Variants in ADAMTS12 observed in about 807,000 individuals in gnomAD.
ADAMTS12 encodes ADAM metallopeptidase with thrombospondin type 1 motif 12, also known as A disintegrin and metalloproteinase with thrombospondin motifs 12.
In ADAMTS12, 118 loss-of-function variants were observed where a neutral mutation model predicts 167.8. The ratio of observed to expected loss-of-function variants is 0.70; its 90% CI spans 0.61 to 0.82. ADAMTS12 has a LOEUF of 0.82. ADAMTS12 is among the 40% of genes least tolerant of loss of function. The pLI, the probability that ADAMTS12 is intolerant of heterozygous loss-of-function variation, is 0.00. For synonymous variants in ADAMTS12, 704 were observed against 716.9 expected (o/e 0.98, Z 0.29); for missense variants, 1,916 against 1,998.8 (o/e 0.96, Z 0.79).
intron 21 of ADAMTS12, 57 bp from the exon 22 acceptor site, chr5:33,546,259 TAAGTG>T: frequency 6.6e-7 from 1 of 1,526,594 alleles, no homozygotes; most frequent in Admixed American, 1.9e-5. Flanking sequence ...TGTTTAATGA[TAAGTG>T]AAGAACTTCG....
At chr5:33,805,240 A>G (rs1264860160) in intron 2 of ADAMTS12, among the ~76,000 whole-genome samples, 1 of 152,224 alleles carries the variant, frequency 6.6e-6, no homozygotes, top group African/African-American at 2.4e-5. Context: ...ACCTGGGTCA[A>G]CATCAACAAT....
intron 18 of ADAMTS12, among the ~76,000 whole-genome samples, chr5:33,586,595 A>G (rs1279051713): frequency 6.6e-6 from 1 of 152,240 alleles, no homozygotes; most frequent in Non-Finnish European, 1.5e-5. Flanking sequence ...AGAACTCCTC[A>G]GCCAAATCTG....
chr5:33,558,177 T>G (rs1400983690), intron 20 of ADAMTS12, among the ~76,000 whole-genome samples: 1 of 152,118 alleles, frequency 6.6e-6, no homozygotes, highest in African/African-American at 2.4e-5. Context: ...GAAAAAGAAT[T>G]TTGTAGAGAT....
At chr5:33,536,322 G>A (rs563347004) in intron 22 of ADAMTS12, among the ~76,000 whole-genome samples, 1 of 152,194 alleles carries the variant, frequency 6.6e-6, no homozygotes, top group South Asian at 2.1e-4. Context: ...TGGCACACTC[G>A]CTAAGTCAAC....
chr5:33,533,961 C>T (rs547318690), intron 23 of ADAMTS12, among the ~76,000 whole-genome samples: 21 of 152,312 alleles, frequency 1.4e-4, no homozygotes, highest in African/African-American at 5.1e-4. Flanking sequence ...AAAGGGCTAT[C>T]AAATTTTTCT....
chr5:33,597,252 A>G (rs543139489), intron 16 of ADAMTS12, among the ~76,000 whole-genome samples: 1 of 152,338 alleles, frequency 6.6e-6, no homozygotes, highest in South Asian at 2.1e-4. Flanking sequence ...GCAGTGAAGA[A>G]GCAACTCAGC....
chr5:33,738,654 A>C (rs1236325850), intron 3 of ADAMTS12, among the ~76,000 whole-genome samples: 1 of 152,176 alleles, frequency 6.6e-6, no homozygotes, highest in Non-Finnish European at 1.5e-5. Flanking sequence ...CTGCACATCA[A>C]CATCAGTGCC....
chr5:33,541,167 C>T (rs1283917406), intron 22 of ADAMTS12, among the ~76,000 whole-genome samples: 1 of 152,166 alleles, frequency 6.6e-6, no homozygotes, highest in Non-Finnish European at 1.5e-5. Flanking sequence ...AAAACCATGG[C>T]ATCAGAACTT....
At chr5:33,752,640 A>G (rs1745027552) in intron 2 of ADAMTS12, among the ~76,000 whole-genome samples, 1 of 152,208 alleles carries the variant, frequency 6.6e-6, no homozygotes, top group Non-Finnish European at 1.5e-5. Flanking sequence ...TTTTATTGTA[A>G]TAGGGTCTCC....
intron 3 of ADAMTS12, among the ~76,000 whole-genome samples, chr5:33,686,799 T>TAG (rs1212232283): frequency 6.7e-6 from 1 of 149,862 alleles, no homozygotes; most frequent in Non-Finnish European, 1.5e-5. Flanking sequence ...CCTATATATA[T>TAG]AGAGAGAGAG....
At chr5:33,828,510 T>C (rs1748174674) in intron 2 of ADAMTS12, among the ~76,000 whole-genome samples, 1 of 152,220 alleles carries the variant, frequency 6.6e-6, no homozygotes, top group Admixed American at 6.6e-5. Context: ...TTTTGCTATA[T>C]AATCTGTGTT....
At chr5:33,677,051 C>T (rs561331221) in intron 5 of ADAMTS12, among the ~76,000 whole-genome samples, 7 of 152,240 alleles carry the variant, frequency 4.6e-5, no homozygotes, top group South Asian at 2.1e-4. Flanking sequence ...TGGCTTCATC[C>T]GACTCACTCT....
intron 2 of ADAMTS12, among the ~76,000 whole-genome samples, chr5:33,827,711 ATAGATAGATAG>A (rs1256345375): frequency 0.038 from 3,829 of 101,772 alleles, 114 homozygotes; most frequent in African/African-American, 0.11. Context: ...AGAAAACAAA[ATAGATAGATAG>A]ATAGATAGAT....
intron 5 of ADAMTS12, among the ~76,000 whole-genome samples, chr5:33,678,042 A>G (rs1579827954): frequency 6.6e-6 from 1 of 152,330 alleles, no homozygotes; most frequent in Non-Finnish European, 1.5e-5. Flanking sequence ...CATGAGATTT[A>G]TTTAGAATAA....
chr5:33,673,255 C>T (rs1347976988), intron 5 of ADAMTS12, among the ~76,000 whole-genome samples: 1 of 152,116 alleles, frequency 6.6e-6, no homozygotes, highest in East Asian at 1.9e-4. Context: ...TTTTGGAAAT[C>T]ACTCCAAAAT....
intron 5 of ADAMTS12, among the ~76,000 whole-genome samples, chr5:33,666,854 C>G (rs1322062993): frequency 1.3e-5 from 2 of 152,174 alleles, no homozygotes; most frequent in African/African-American, 2.4e-5. Flanking sequence ...TACTCTATAA[C>G]AGATTAATCC....
intron 3 of ADAMTS12, among the ~76,000 whole-genome samples, chr5:33,739,498 C>T (rs1191156227): frequency 1.3e-5 from 2 of 152,194 alleles, no homozygotes. Context: ...TGTGTGCATA[C>T]GTGTGTGGTC....
At chr5:33,581,940 T>C (rs1245881754) in intron 18 of ADAMTS12, among the ~76,000 whole-genome samples, 2 of 152,014 alleles carry the variant, frequency 1.3e-5, no homozygotes, top group South Asian at 2.1e-4. Context: ...GCACCAAAGA[T>C]TGACGTCAAA....
At chr5:33,797,536 G>C (rs185512640) in intron 2 of ADAMTS12, among the ~76,000 whole-genome samples, 2 of 152,080 alleles carry the variant, frequency 1.3e-5, no homozygotes, top group African/African-American at 4.8e-5. Flanking sequence ...CCATGGCTGA[G>C]CGCAGAAGCC....
Sources: gnomAD v4.1 joint callset for allele counts (sites outside exome capture counted in the v4.1 genomes callset) on GRCh38, gnomAD v4.1.1 for gene constraint, MANE v1.5 for transcripts, NCBI Gene and HGNC (gene_info 2026-07-23, HGNC 2026-07-21) for gene names.